SLC45A2: variants seen among roughly 807,000 people sequenced by gnomAD.
SLC45A2 encodes the protein membrane-associated transporter protein.
In SLC45A2, 36 loss-of-function variants were observed where a neutral mutation model predicts 45.5. The observed-to-expected ratio is 0.79, with a 90% CI of 0.61 to 1.04. The LOEUF (loss-of-function observed/expected upper bound fraction) is 1.04, where lower values mean the gene tolerates loss of function less well. SLC45A2 is among the 50% of genes least tolerant of loss of function. SLC45A2 has a pLI of 0.00. For synonymous variants in SLC45A2, 306 were observed against 269.3 expected (o/e 1.14, Z -1.33); for missense variants, 719 against 671.0 (o/e 1.07, Z -0.79).
intron 4 of SLC45A2, 137 bp from the exon 5 acceptor site, chr5:33,951,814 T>A: frequency 1.9e-6 from 2 of 1,049,958 alleles, no homozygotes; most frequent in Non-Finnish European, 3.0e-6. Flanking sequence ...GCTGATGCTG[T>A]CATGACCAAG....
chr5:33,978,440 C>G (rs1377647870), intron 2 of SLC45A2, among the ~76,000 whole-genome samples: 1 of 150,910 alleles, frequency 6.6e-6, no homozygotes, highest in Non-Finnish European at 1.5e-5. Flanking sequence ...TTTTAGAGAG[C>G]CTGACACCTT....
chr5:33,983,829 T>A (rs780917346), intron 1 of SLC45A2, among the ~76,000 whole-genome samples: 1 of 152,206 alleles, frequency 6.6e-6, no homozygotes, highest in Non-Finnish European at 1.5e-5. Context: ...ATGGAGCTAT[T>A]TGGCAGCCAG....
intron 2 of SLC45A2, chr5:33,971,171 C>T: frequency 3.8e-6 from 2 of 531,486 alleles, no homozygotes; most frequent in Non-Finnish European, 3.9e-6. Flanking sequence ...GATAGGGCTA[C>T]ACTAACTATC....
intron 2 of SLC45A2, among the ~76,000 whole-genome samples, chr5:33,969,727 C>T (rs1169598131): frequency 6.6e-6 from 1 of 152,154 alleles, no homozygotes; most frequent in Non-Finnish European, 1.5e-5. Flanking sequence ...GATGGTCTTG[C>T]TGCCTGCTTG....
At chr5:33,970,770 A>T (rs72743354) in intron 2 of SLC45A2, 12,512 of 253,236 alleles carry the variant, frequency 0.049, 459 homozygotes, top group East Asian at 0.17. Flanking sequence ...GTGGTGGTCA[A>T]TGAACAGGAA....
intron 3 of SLC45A2, among the ~76,000 whole-genome samples, chr5:33,960,024 G>A (rs1174873054): frequency 6.6e-6 from 1 of 151,996 alleles, no homozygotes; most frequent in African/African-American, 2.4e-5. Flanking sequence ...TTAAAATAAA[G>A]TACCGTTTTT....
At chr5:33,976,601 G>T (rs1259386384) in intron 2 of SLC45A2, among the ~76,000 whole-genome samples, 1 of 152,140 alleles carries the variant, frequency 6.6e-6, no homozygotes, top group African/African-American at 2.4e-5. Context: ...GGTGAGGGGG[G>T]TGGGGGAGAT....
At position 33,944,768 on chromosome 5, in the gene SLC45A2, T is replaced by A. The variant is rs1459871169; in HGVS notation, c.1473A>T (p.Gly491=). 4.3e-6 allele frequency: 7 copies of A among 1,614,152 alleles called. No homozygotes were observed. Among genetic ancestry groups the A allele is most frequent in the Non-Finnish European group, 5.9e-6 (7 of 1,180,026 alleles). Residue 491 remains glycine, a synonymous_variant, in exon 7 of 7, where the codon GGA becomes GGT. Coordinates refer to ENST00000296589, the MANE Select transcript of SLC45A2 (RefSeq NM_016180.5). ...TGTTGACCAGAAAGCCCAGGCCACC[T>A]CCGACCAGGATCTGAGCCAGCTGCA... ...CMVQLAQILV[G]GGLGFLVNTA...
intron 2 of SLC45A2, chr5:33,971,337 A>G: frequency 1.9e-6 from 1 of 513,100 alleles, no homozygotes; most frequent in South Asian, 1.4e-5. Flanking sequence ...ACTTGTAGGA[A>G]TAATACCTCC....
intron 2 of SLC45A2, among the ~76,000 whole-genome samples, chr5:33,978,787 C>T (rs1227350657): frequency 6.6e-6 from 1 of 152,158 alleles, no homozygotes; most frequent in Non-Finnish European, 1.5e-5. Context: ...ACAACTTGGG[C>T]AACTGTTCTG....
intron 3 of SLC45A2, among the ~76,000 whole-genome samples, chr5:33,960,252 T>A (rs557049119): frequency 1.2e-4 from 17 of 147,092 alleles, no homozygotes; most frequent in South Asian, 8.6e-4. Context: ...CAACATCTAT[T>A]TTTTTTATTA....
At chr5:33,964,668 A>C (rs1013551750) in intron 2 of SLC45A2, among the ~76,000 whole-genome samples, 1 of 152,172 alleles carries the variant, frequency 6.6e-6, no homozygotes, top group East Asian at 1.9e-4. Flanking sequence ...CCAGGACTCC[A>C]ACCTGAGGTC....
rs1336865869 is a variant in SLC45A2 at position 33,984,438 on chromosome 5, T to C, written c.146A>G (p.Tyr49Cys). Reference protein sequence around the residue: ...SMAMFGREFCYAVEAAYVTPV... With the variant: ...SMAMFGREFCCAVEAAYVTPV... Reference sequence around the variant, plus strand: ...GGTCACATACGCTGCCTCCACCGCGTAGCAGAACTCTCTTCCGAACATGGC... The same window carrying C: ...GGTCACATACGCTGCCTCCACCGCGCAGCAGAACTCTCTTCCGAACATGGC... The change falls in exon 1 of 7, where the codon TAC becomes TGC. Residue 49 changes from tyrosine (Y) to cysteine (C), a missense_variant. Tyr to Cys is a radical substitution (Grantham distance 194). Coordinates refer to ENST00000296589, the MANE Select transcript of SLC45A2 (RefSeq NM_016180.5). 6 of 1,613,858 alleles carry C rather than the reference T, an allele frequency of 3.7e-6. No homozygotes were observed. The East Asian group carries it at 8.9e-5, about 24-fold the overall frequency.
In SLC45A2 at chr5:33,947,187, C is replaced by G. The variant is rs1220241839; in HGVS notation, c.1344G>C (p.Glu448Asp). 1.9e-6 allele frequency: 3 copies of G among 1,614,074 alleles called. No homozygotes were observed. The highest frequency in any genetic ancestry group is 1.1e-5 in the South Asian group (1 of 91,088). Reference sequence around the variant, plus strand: ...CCTCCTTTTCTTCCTCGCGGTGGTACTCAGTAATGAGGTTAAAGGGCACAG... The same window carrying G: ...CCTCCTTTTCTTCCTCGCGGTGGTAGTCAGTAATGAGGTTAAAGGGCACAG... ...LYTVPFNLIT[E>D]YHREEEKERQ... The change falls in exon 6 of 7, where the codon GAG (glutamate) becomes GAC (aspartate). Residue 448 changes from glutamate (E) to aspartate (D), a missense_variant. Transcript: ENST00000296589.
rs916761120 is a variant in SLC45A2, at chr5:33,982,529, T to C, written c.386-117A>G. On this transcript the variant is annotated intron_variant, in intron 1 of 6. Coordinates refer to ENST00000296589, the MANE Select transcript of SLC45A2 (RefSeq NM_016180.5). ...TCTTCCTTGCTTTTATTTTGCTTTT[T>C]TCCAAATAAAAATAGCTTTACATTT... 73 of 1,057,714 alleles carry C rather than the reference T, an allele frequency of 6.9e-5. No homozygotes were observed. In the African/African-American group the frequency reaches 1.1e-3, roughly 17 times the overall value. 65.5% of individuals were successfully genotyped at this position (1,057,714 alleles called of 1,614,324 possible). A position where few individuals can be genotyped will look rare whatever the true frequency, so the allele number is the denominator to read the frequency against.
rs756574797 is a variant in SLC45A2 at position 33,963,724 on chromosome 5, C to A, written c.855G>T (p.Met285Ile). ...CATGATTTTTGTTTTTTGCTCCCTG[C>A]ATTGCCAGCTCTGGATTTACGTAAC... Reference protein sequence around the residue: ...KNGYVNPELAMQGAKNKNHAE... With the variant: ...KNGYVNPELAIQGAKNKNHAE... The change falls in exon 3 of 7, where the codon ATG becomes ATT. Residue 285 changes from methionine to isoleucine, a missense_variant. Coordinates refer to ENST00000296589, the MANE Select transcript of SLC45A2 (RefSeq NM_016180.5). The A allele has an allele frequency of 3.1e-6, 5 of 1,614,120 alleles. No individual in the cohort carries two copies. The South Asian group carries it at 3.3e-5, about 11-fold the overall frequency.
intron 3 of SLC45A2, among the ~76,000 whole-genome samples, chr5:33,957,412 C>T (rs1479016156): frequency 4.6e-5 from 7 of 151,986 alleles, no homozygotes; most frequent in Non-Finnish European, 1.0e-4. Context: ...AAATTATATT[C>T]GCCCATTTTA....
chr5:33,949,629 G>C (rs1391230828), intron 5 of SLC45A2, among the ~76,000 whole-genome samples: 1 of 152,170 alleles, frequency 6.6e-6, no homozygotes, highest in Non-Finnish European at 1.5e-5. Flanking sequence ...AGCAGAGCTG[G>C]CTGGTATTTT....
At chr5:33,947,920 T>C (rs1260127822) in intron 5 of SLC45A2, among the ~76,000 whole-genome samples, 2 of 152,204 alleles carry the variant, frequency 1.3e-5, no homozygotes, top group Non-Finnish European at 2.9e-5. Context: ...TGTACAATTA[T>C]CTGAAGACAC....
Sources: gnomAD v4.1 joint callset for allele counts (sites outside exome capture counted in the v4.1 genomes callset) on GRCh38, gnomAD v4.1.1 for gene constraint, MANE v1.5 for transcripts, NCBI Gene and HGNC (gene_info 2026-07-23, HGNC 2026-07-21) for gene names.